CSMD3: variants seen among roughly 807,000 people sequenced by gnomAD.
CSMD3 encodes the protein CUB and Sushi multiple domains 3.
In CSMD3, 177 loss-of-function variants were observed where a neutral mutation model predicts 435.2. The observed-to-expected ratio is 0.41, with a 90% confidence interval of 0.36 to 0.46. CSMD3 has a LOEUF of 0.46. CSMD3 is among the 20% of genes least tolerant of loss of function. The pLI, the probability that CSMD3 is intolerant of heterozygous loss-of-function variation, is 0.34. For synonymous variants in CSMD3, 1,656 were observed against 1,520.5 expected, an observed-to-expected ratio of 1.09 and a Z score of -2.07; for missense variants, 4,265 against 4,504.6, an observed-to-expected ratio of 0.95 and a Z score of 1.52.
chr8:112,248,380 C>T (rs1039492434), intron 63 of CSMD3, among the ~76,000 whole-genome samples: 1 of 151,970 alleles, frequency 6.6e-6, no homozygotes, highest in African/African-American at 2.4e-5. Flanking sequence ...GCTGGCACTG[C>T]CATTTTACAT....
At chr8:113,125,653 A>T (rs1016091174) in intron 4 of CSMD3, among the ~76,000 whole-genome samples, 2 of 152,120 alleles carry the variant, frequency 1.3e-5, no homozygotes, top group African/African-American at 4.8e-5. Flanking sequence ...CTGGCCAGTA[A>T]AGTGAAATTA....
At chr8:113,174,921 G>A (rs931713288) in intron 3 of CSMD3, among the ~76,000 whole-genome samples, 4 of 151,848 alleles carry the variant, frequency 2.6e-5, no homozygotes, top group South Asian at 2.1e-4. Flanking sequence ...TCCATAAGTA[G>A]TTATATCAAG....
intron 27 of CSMD3, among the ~76,000 whole-genome samples, chr8:112,547,377 C>T (rs1335388147): frequency 6.6e-6 from 1 of 151,634 alleles, no homozygotes; most frequent in Non-Finnish European, 1.5e-5. Context: ...AATGAGACCT[C>T]ATCTGTACAA....
intron 13 of CSMD3, among the ~76,000 whole-genome samples, chr8:112,747,956 C>T (rs2077474828): frequency 9.3e-6 from 1 of 107,862 alleles, no homozygotes; most frequent in Non-Finnish European, 1.8e-5. Context: ...GAACAAGACT[C>T]CGTCTCAAAA....
chr8:113,295,476 A>C (rs1459528760), intron 2 of CSMD3, among the ~76,000 whole-genome samples: 1 of 152,318 alleles, frequency 6.6e-6, no homozygotes, highest in Middle Eastern at 3.4e-3. Flanking sequence ...CATAAAAAAT[A>C]ATACTGTTTT....
intron 35 of CSMD3, among the ~76,000 whole-genome samples, chr8:112,392,652 C>T (rs1193360779): frequency 6.6e-6 from 1 of 151,330 alleles, no homozygotes; most frequent in Non-Finnish European, 1.5e-5. Context: ...CACAACTTTT[C>T]CTCATACGTA....
At chr8:112,671,234 T>A (rs2075648447) in intron 16 of CSMD3, among the ~76,000 whole-genome samples, 1 of 152,096 alleles carries the variant, frequency 6.6e-6, no homozygotes, top group Admixed American at 6.6e-5. Flanking sequence ...GCATTTAGTT[T>A]AGAAAACTTG....
intron 32 of CSMD3, among the ~76,000 whole-genome samples, chr8:112,449,321 C>G (rs926285008): frequency 6.6e-6 from 1 of 152,066 alleles, no homozygotes; most frequent in East Asian, 1.9e-4. Context: ...TAGAAGCAAC[C>G]CTCGCTCTTC....
chr8:112,823,276 G>T (rs1348342822), intron 12 of CSMD3, among the ~76,000 whole-genome samples: 1 of 152,042 alleles, frequency 6.6e-6, no homozygotes, highest in Non-Finnish European at 1.5e-5. Flanking sequence ...GGCTTTTTCT[G>T]GTTGGTACTC....
rs766482661 is a variant in CSMD3, at chr8:112,556,850, G to A, written c.4147C>T (p.Pro1383Ser). ...CTACTTCCGTGGAGAGTGTAGCCTG[G>A]ATTGCATCCATAAATGATGGTGCTA... ...AGSTIIYGCN[P>S]GYTLHGSSLL... Residue 1383 changes from proline (P) to serine (S), a missense_variant, in exon 25 of 71, where the codon CCA becomes TCA. Transcript: ENST00000297405. 2 of 1,612,018 alleles carry A rather than the reference G, an allele frequency of 1.2e-6. No individual in the cohort carries two copies. Among genetic ancestry groups the A allele is most frequent in the Non-Finnish European group, 1.7e-6 (2 of 1,178,646 alleles).
chr8:113,118,366 T>C (rs2090896323), intron 4 of CSMD3, among the ~76,000 whole-genome samples: 1 of 152,166 alleles, frequency 6.6e-6, no homozygotes, highest in African/African-American at 2.4e-5. Context: ...TTATTGGACA[T>C]TTATTTGAGA....
At chr8:113,192,356 T>C (rs1479393552) in intron 3 of CSMD3, among the ~76,000 whole-genome samples, 1 of 151,608 alleles carries the variant, frequency 6.6e-6, no homozygotes, top group Non-Finnish European at 1.5e-5. Context: ...TTTTCCTAAA[T>C]TGTTCTAGAT....
Position 112,955,718 on chromosome 8 carries a change from G to A in CSMD3, c.1343-957C>T, listed in dbSNP as rs147553834. On this transcript the variant is annotated intron_variant, in intron 7 of 70. Transcript: ENST00000297405. The stretch of plus-strand genomic sequence containing the variant: ...CTTTTACAAAACATGGTATATACAG[G>A]AAATAACTTGCTCAGTTACAGTGTG... Among the ~76,000 whole-genome samples the A allele has an allele frequency of 6.6e-3, 1,003 of 151,740 alleles. 12 individuals are homozygous for A. The highest frequency in any genetic ancestry group is 0.023 in the African/African-American group (962 of 41,460).
At chr8:112,957,220 T>A (rs2084053196) in intron 7 of CSMD3, among the ~76,000 whole-genome samples, 1 of 152,180 alleles carries the variant, frequency 6.6e-6, no homozygotes, top group Non-Finnish European at 1.5e-5. Context: ...TGTCATCAAG[T>A]AATGAGTGCT....
At chr8:112,670,678 A>T (rs1017209195) in intron 16 of CSMD3, among the ~76,000 whole-genome samples, 1 of 152,166 alleles carries the variant, frequency 6.6e-6, no homozygotes, top group African/African-American at 2.4e-5. Context: ...CATGTGCAAT[A>T]GGGTGGATGG....
In CSMD3 at chr8:112,492,497, C is replaced by T. The variant is rs1298989300; in HGVS notation, c.5270G>A (p.Ser1757Asn). The change falls in exon 31 of 71, where the codon AGT becomes AAT. Residue 1757 changes from serine (S) to asparagine (N), a missense_variant. By Grantham distance (46) the Ser-to-Asn change is conservative. Around this residue, in one of 3 missense-constraint regions of CSMD3, gnomAD observed 3,255 missense variants for 3,380.2 expected, o/e 0.96. Coordinates refer to ENST00000297405, the MANE Select transcript of CSMD3 (RefSeq NM_198123.2). ...GRPGWNRALPSCHAPCGSRST... is the reference protein window; with the variant it reads ...GRPGWNRALPNCHAPCGSRST... Reference sequence around the variant, plus strand: ...AAAAATATGTTCCTTACCATGACAACTTGGCAAGGCTCTATTCCATCCAGG... The same window carrying T: ...AAAAATATGTTCCTTACCATGACAATTTGGCAAGGCTCTATTCCATCCAGG... 3.1e-6 allele frequency: 5 copies of T among 1,613,598 alleles called. No homozygotes were observed. The highest frequency in any genetic ancestry group is 4.2e-6 in the Non-Finnish European group (5 of 1,179,566).
chr8:112,507,972 A>G (rs1348643897), intron 28 of CSMD3, among the ~76,000 whole-genome samples: 2 of 152,142 alleles, frequency 1.3e-5, no homozygotes, highest in Non-Finnish European at 2.9e-5. Flanking sequence ...GGTACATTAT[A>G]AAATGATTAG....
chr8:112,531,897 C>T (rs908428159), intron 27 of CSMD3, among the ~76,000 whole-genome samples: 4 of 152,040 alleles, frequency 2.6e-5, no homozygotes, highest in African/African-American at 9.7e-5. Context: ...CAGTGATTAA[C>T]CTTGGAGTGC....
At chr8:112,653,692 C>T (rs1342085471) in intron 18 of CSMD3, among the ~76,000 whole-genome samples, 10 of 144,174 alleles carry the variant, frequency 6.9e-5, no homozygotes, top group African/African-American at 2.3e-4. Context: ...TGGAGTCTCA[C>T]TCTGTCACCC....
Sources: gnomAD v4.1 joint callset for allele counts (sites outside exome capture counted in the v4.1 genomes callset) on GRCh38, gnomAD v4.1.1 for gene constraint, gnomAD v4.1.1 regional missense constraint, MANE v1.5 for transcripts, NCBI Gene and HGNC (gene_info 2026-07-23, HGNC 2026-07-21) for gene names.